Variants in STARD13 observed in about 807,000 individuals in gnomAD.
The protein encoded by STARD13 is stAR-related lipid transfer protein 13.
A neutral mutation model predicts 106.4 loss-of-function variants in STARD13; 62 were observed. The ratio of observed to expected loss-of-function variants is 0.58; its 90% CI spans 0.48 to 0.72. The LOEUF is 0.72. Ranked by LOEUF, STARD13 falls within the 30% of genes least tolerant of loss-of-function variation. The probability of loss-of-function intolerance (pLI) is 0.00; values close to 1 mark genes in which losing one functional copy is unlikely to be tolerated. For missense variants in STARD13, 1,387 were observed against 1,424.0 expected, an observed-to-expected ratio of 0.97 and a Z score of 0.42; for synonymous variants, 565 against 553.0, an observed-to-expected ratio of 1.02 and a Z score of -0.31.
intron 1 of STARD13, among the ~76,000 whole-genome samples, chr13:33,311,434 T>A (rs1444200629): frequency 6.6e-6 from 1 of 152,192 alleles, no homozygotes; most frequent in Non-Finnish European, 1.5e-5. Context: ...TGACATGGAT[T>A]TTTAGGAAAG....
the STARD13 span, among the ~76,000 whole-genome samples, chr13:33,462,985 A>G: frequency 6.6e-6 from 1 of 152,236 alleles, no homozygotes; most frequent in African/African-American, 2.4e-5. Flanking sequence ...GAGTCCCATG[A>G]TATACCTCTG....
the STARD13 span, among the ~76,000 whole-genome samples, chr13:33,491,212 C>T: frequency 6.6e-6 from 1 of 152,166 alleles, no homozygotes; most frequent in Non-Finnish European, 1.5e-5. Context: ...AAACGGAAAA[C>T]ATTTCTCCAT....
chr13:33,553,705 G>A, the STARD13 span, among the ~76,000 whole-genome samples: 7 of 150,232 alleles, frequency 4.7e-5, 1 homozygote, highest in South Asian at 8.4e-4. Context: ...TCAGCCTCCC[G>A]AGTAGCTGGG....
At chr13:33,348,972 T>A in exon 2 of STARD13, 1 of 607,860 alleles carries the variant, frequency 1.6e-6, no homozygotes, top group East Asian at 2.8e-5. Context: ...GTGCTATAGA[T>A]TCTGGGCATC....
chr13:33,466,642 A>G, the STARD13 span, among the ~76,000 whole-genome samples: 3 of 152,206 alleles, frequency 2.0e-5, no homozygotes, highest in African/African-American at 4.8e-5. Context: ...ATTGTATCTT[A>G]CTGAACTTTA....
At chr13:33,495,030 T>C in the STARD13 span, among the ~76,000 whole-genome samples, 3 of 140,822 alleles carry the variant, frequency 2.1e-5, no homozygotes, top group African/African-American at 5.1e-5. Flanking sequence ...CATGACTCAG[T>C]GACTCCATTT....
chr13:33,640,887 G>C, the STARD13 span, among the ~76,000 whole-genome samples: 1 of 152,226 alleles, frequency 6.6e-6, no homozygotes, highest in African/African-American at 2.4e-5. Flanking sequence ...CCTCCCTGAA[G>C]TTCAAAGGTC....
chr13:33,160,212 T>C (rs953957377), intron 3 of STARD13, among the ~76,000 whole-genome samples: 32 of 152,178 alleles, frequency 2.1e-4, no homozygotes, highest in Admixed American at 2.0e-3. Flanking sequence ...AGTATAGTCT[T>C]TTCAATATTG....
intron 1 of STARD13, among the ~76,000 whole-genome samples, chr13:33,262,265 T>C (rs1171918427): frequency 6.6e-6 from 1 of 152,178 alleles, no homozygotes; most frequent in Non-Finnish European, 1.5e-5. Flanking sequence ...ACATTCTGCA[T>C]CAGGTGGCAT....
chr13:33,267,441 C>A (rs1157140633), intron 1 of STARD13, among the ~76,000 whole-genome samples: 3 of 152,154 alleles, frequency 2.0e-5, no homozygotes, highest in Non-Finnish European at 2.9e-5. Context: ...TCCATTGTGC[C>A]TCCACTCTCC....
chr13:33,311,695 G>A (rs1041889846), intron 1 of STARD13, among the ~76,000 whole-genome samples: 4 of 152,174 alleles, frequency 2.6e-5, no homozygotes, highest in African/African-American at 7.2e-5. Flanking sequence ...GAGTCAAAAC[G>A]GAATATTTAG....
chr13:33,179,662 T>A (rs1433962750), intron 1 of STARD13, among the ~76,000 whole-genome samples: 4 of 152,124 alleles, frequency 2.6e-5, no homozygotes, highest in African/African-American at 9.7e-5. Context: ...GGGCAGTGGG[T>A]CCTACCCTGT....
At chr13:33,304,338 AG>A (rs1481632129) in intron 1 of STARD13, among the ~76,000 whole-genome samples, 1 of 152,172 alleles carries the variant, frequency 6.6e-6, no homozygotes, top group African/African-American at 2.4e-5. Context: ...AGTTCTGAAA[AG>A]ACATAGGGTC....
the STARD13 span, among the ~76,000 whole-genome samples, chr13:33,430,530 C>A: frequency 6.6e-6 from 1 of 152,036 alleles, no homozygotes; most frequent in Non-Finnish European, 1.5e-5. Context: ...CCTCAAAAAC[C>A]TAAAAATAGA....
At chr13:33,187,963 A>G (rs1264011249) in intron 1 of STARD13, among the ~76,000 whole-genome samples, 3 of 152,118 alleles carry the variant, frequency 2.0e-5, no homozygotes, top group African/African-American at 7.2e-5. Flanking sequence ...GGGATTATAG[A>G]CATGAGCCAC....
chr13:33,175,246 C>G (rs886153451), intron 1 of STARD13, among the ~76,000 whole-genome samples: 2 of 152,154 alleles, frequency 1.3e-5, no homozygotes, highest in Non-Finnish European at 2.9e-5. Flanking sequence ...TGGTATTTCT[C>G]AGGGAGGCTG....
chr13:33,512,536 C>A, the STARD13 span, among the ~76,000 whole-genome samples: 6 of 151,986 alleles, frequency 3.9e-5, no homozygotes, highest in East Asian at 1.2e-3. Flanking sequence ...GGCGTGATTG[C>A]GGCTCACTGC....
intron 1 of STARD13, among the ~76,000 whole-genome samples, chr13:33,298,863 G>A (rs993375004): frequency 1.3e-5 from 2 of 152,162 alleles, no homozygotes; most frequent in African/African-American, 4.8e-5. Context: ...CCAGACGTAG[G>A]AAACTCTCTT....
chr13:33,315,433 C>T (rs1893292819), intron 1 of STARD13, among the ~76,000 whole-genome samples: 4 of 152,172 alleles, frequency 2.6e-5, no homozygotes, highest in East Asian at 1.9e-4. Context: ...CCAGACCTTA[C>T]ATTTTTGTGC....
Sources: allele counts gnomAD v4.1 joint callset (sites outside exome capture counted in the v4.1 genomes callset), GRCh38; gene constraint gnomAD v4.1.1; transcripts MANE v1.5; gene names NCBI Gene and HGNC (gene_info 2026-07-23, HGNC 2026-07-21).